Variants in IGSF22 observed in about 807,000 individuals in gnomAD.
IGSF22 encodes immunoglobulin superfamily member 22.
IGSF22 carries 119 observed loss-of-function variants against 127.0 expected under a neutral mutation model. That is an observed-to-expected ratio of 0.94 (90% CI 0.81 to 1.09). The LOEUF (loss-of-function observed/expected upper bound fraction) is 1.09. Among genes scored for constraint, IGSF22 ranks in the 50% least tolerant of loss-of-function variants. IGSF22 has a pLI of 0.00. For synonymous variants in IGSF22, 568 were observed against 664.7 expected (o/e 0.85, Z 2.24); for missense variants, 1,518 against 1,716.6 (o/e 0.88, Z 2.04).
rs550956419 is a variant in IGSF22 at position 18,720,303 on chromosome 11, C to T, written c.379-18G>A. ...GGCTCCAGCTGGATCAAAGTCCGGC[C>T]ATTAGTGGGGGAAGGAAAAGGAACC... On this transcript the variant is annotated intron_variant, in intron 4 of 22. Transcript: ENST00000513874. 1 of 1,605,646 alleles carries T rather than the reference C, an allele frequency of 6.2e-7. No individual in the cohort carries two copies. The highest frequency in any genetic ancestry group is 8.5e-7 in the Non-Finnish European group (1 of 1,172,734).
intron 22 of IGSF22, among the ~76,000 whole-genome samples, chr11:18,705,005 A>G (rs1241578184): frequency 1.3e-5 from 2 of 152,344 alleles, no homozygotes; most frequent in African/African-American, 4.8e-5. Context: ...CACTTAGCTA[A>G]GCACTCGAGA....
In IGSF22 at chr11:18,710,832, T is replaced by TG. The variant is rs1564869838; in HGVS notation, c.2399-5dup. ...TGGGAGGCAAAACCAGGAGGCTCTGTGGGGGAAAGAGAGAGTGCAAAGGTT... is the reference window on the plus strand; with the variant it reads ...TGGGAGGCAAAACCAGGAGGCTCTGTGGGGGGAAAGAGAGAGTGCAAAGGTT... On this transcript the variant is annotated splice_polypyrimidine_tract_variant and splice_region_variant and intron_variant, in intron 15 of 22. Transcript: ENST00000513874. 8.1e-6 allele frequency: 13 copies of TG among 1,611,416 alleles called. No individual in the cohort carries two copies. The highest frequency in any genetic ancestry group is 1.1e-5 in the Non-Finnish European group (13 of 1,177,684).
chr11:18,710,078 C>A (rs2134159813), intron 17 of IGSF22, among the ~76,000 whole-genome samples: 1 of 152,250 alleles, frequency 6.6e-6, no homozygotes, highest in African/African-American at 2.4e-5. Context: ...CCTCTCCTAC[C>A]TCACCTAACT....
rs1365995197 is a variant in IGSF22, at chr11:18,716,993, T to A, written c.981A>T (p.Pro327=). The A allele has an allele frequency of 6.2e-7, 1 of 1,614,118 alleles. No homozygotes were observed. The highest frequency in any genetic ancestry group is 1.3e-5 in the African/African-American group (1 of 75,038). The stretch of plus-strand genomic sequence containing the variant: ...GCTTCATCTCTCCCAGGAACTTCAG[T>A]GGCTCATCTGCAGCAAACAGTAGGA... ...MSAELTVLDE[P]LKFLGEMKPV... is the part of the protein sequence containing the mutation. The change falls in exon 10 of 23, where the codon CCA becomes CCT. Residue 327 remains proline (P), a synonymous_variant. Transcript: ENST00000513874. This position sits in a 1 kb window ranked among gnomAD's most constrained non-coding sequence, Gnocchi z 4.5.
chr11:18,704,397 G>T lies in IGSF22; in HGVS notation c.*71C>A. On this transcript the variant is annotated 3_prime_UTR_variant, in exon 23 of 23. Transcript: ENST00000513874. ...GAGAGCAAACTGGGCTTCCTACACT[G>T]GGCCATGCAGAGGACAGGCCAAGAA... 1.0e-6 allele frequency: 1 copy of T among 987,792 alleles called. No individual in the cohort carries two copies. The highest frequency in any genetic ancestry group is 1.6e-6 in the Non-Finnish European group (1 of 634,526). 61.2% of individuals were successfully genotyped at this position (987,792 alleles called of 1,614,324 possible).
At position 18,705,976 on chromosome 11, in the gene IGSF22, C is replaced by T; in HGVS notation, c.3751G>A (p.Val1251Ile). 6.4e-7 allele frequency: 1 copy of T among 1,551,750 alleles called. No individual in the cohort carries two copies. The highest frequency in any genetic ancestry group is 2.0e-5 in the Admixed American group (1 of 51,016). ...RPTVTLYKGD[V>I]NITANSKFWY... ...AACTTGGAGTTGGCCGTGATGTTGA[C>T]GTCGCCCTTGTAGAGGGTCACTGTG... The change falls in exon 22 of 23, where the codon GTC (valine) becomes ATC (isoleucine). Residue 1251 changes from valine (V) to isoleucine (I), a missense_variant. This residue lies in a region of IGSF22 where 1,456 missense variants were observed against 1,644.9 expected (regional missense o/e 0.89). Transcript: ENST00000513874.
chr11:18,719,703 G>A lies in IGSF22; in HGVS notation c.696+13C>T, dbSNP rs763763274. 2.5e-6 allele frequency: 4 copies of A among 1,613,296 alleles called. No individual in the cohort carries two copies. The highest frequency in any genetic ancestry group is 1.7e-4 in the Middle Eastern group (1 of 6,058). On this transcript the variant is annotated intron_variant, in intron 7 of 22. Transcript: ENST00000513874. ...CCTAGCCTGCAGGCCCCTGCTCCCT[G>A]CAGGGTACTTACCTCCACCTCTACT... is the stretch of plus-strand genomic sequence containing the variant.
chr11:18,710,437 T>A lies in IGSF22; in HGVS notation c.2591A>T (p.Asp864Val), dbSNP rs760080099. Residue 864 changes from aspartate (D) to valine (V), a missense_variant, in exon 17 of 23, where the codon GAT becomes GTT. By Grantham distance (152) the Asp-to-Val change is radical. Transcript: ENST00000513874. ...DPIQGTKCTV[D>V]GLLEDTEYEF... ...ATATTCTGTGTCCTCCAGGAGACCA[T>A]CCACAGTGCACTTGGTGCCTGAAAT... The A allele has an allele frequency of 3.7e-6, 6 of 1,614,148 alleles. No individual in the cohort carries two copies. In the African/African-American group the frequency reaches 5.3e-5, roughly 14 times the overall value.
chr11:18,704,411 A>G lies in IGSF22; in HGVS notation c.*57T>C. On this transcript the variant is annotated 3_prime_UTR_variant, in exon 23 of 23. Coordinates refer to ENST00000513874, the MANE Select transcript of IGSF22 (RefSeq NM_173588.4). ...CTTCCTACACTGGGCCATGCAGAGG[A>G]CAGGCCAAGAAACTCCACATCATAA... 1 of 1,178,738 alleles carries G rather than the reference A, an allele frequency of 8.5e-7. No individual in the cohort carries two copies. Among genetic ancestry groups the G allele is most frequent in the Non-Finnish European group, 1.2e-6 (1 of 807,338 alleles). The allele number at this position is 1,178,738 out of a possible 1,614,324, so 73.0% of individuals were successfully genotyped here.
intron 10 of IGSF22, 124 bp from the exon 11 acceptor site, chr11:18,715,840 GTGTT>G: frequency 9.4e-7 from 1 of 1,067,630 alleles, no homozygotes; most frequent in Non-Finnish European, 1.4e-6. Flanking sequence ...GATGCTGAAT[GTGTT>G]TGTGTGTAAT....
intron 8 of IGSF22, among the ~76,000 whole-genome samples, 176 bp downstream of exon 8, chr11:18,718,439 C>T (rs1443407137): frequency 6.6e-6 from 1 of 152,206 alleles, no homozygotes; most frequent in Non-Finnish European, 1.5e-5. Flanking sequence ...TCTCTTACAT[C>T]ACACAACAAA....
chr11:18,725,329 T>G (rs925722120), intron 1 of IGSF22, among the ~76,000 whole-genome samples: 1 of 152,220 alleles, frequency 6.6e-6, no homozygotes, highest in Non-Finnish European at 1.5e-5. Flanking sequence ...GGTTTCATCT[T>G]GTTGGCCAGG....
intron 13 of IGSF22, 29 bp downstream of exon 13, chr11:18,714,248 A>G: frequency 6.2e-7 from 1 of 1,602,126 alleles, no homozygotes; most frequent in Non-Finnish European, 8.5e-7. Flanking sequence ...GGCATGGTTG[A>G]GCTTTGCCTA....
At position 18,719,968 on chromosome 11, in the gene IGSF22, G is replaced by C; in HGVS notation, c.519-75C>G. The C allele has an allele frequency of 1.9e-6, 3 of 1,608,778 alleles. No individual in the cohort carries two copies. In the South Asian group the frequency reaches 3.3e-5, roughly 18 times the overall value. On this transcript the variant is annotated intron_variant, in intron 6 of 22. Transcript: ENST00000513874. ...TTGAGAAACCCCTCCCTACTCCATG[G>C]ATTCTTGGAACTCAGGGCCTTGTTG...
chr11:18,706,177 GGC>G (rs1296166059), intron 21 of IGSF22, 31 bp from the exon 22 acceptor site: 2 of 1,510,254 alleles, frequency 1.3e-6, no homozygotes, highest in Non-Finnish European at 1.8e-6. Context: ...AGGCCGTGAG[GGC>G]GCCCCAAGGC....
intron 11 of IGSF22, 90 bp downstream of exon 11, chr11:18,715,342 G>A: frequency 7.3e-7 from 1 of 1,367,038 alleles, no homozygotes; most frequent in Non-Finnish European, 1.0e-6. Context: ...GAGGGTTGGA[G>A]TTAGTGGGAG....
intron 14 of IGSF22, 133 bp from the exon 15 acceptor site, chr11:18,712,517 T>G (rs939711634): frequency 2.7e-6 from 2 of 746,568 alleles, no homozygotes; most frequent in Admixed American, 5.9e-5. Context: ...TGCCCCTCCC[T>G]GTGTCCACCA....
At chr11:18,706,726 T>C (rs539135670) in intron 21 of IGSF22, 188 bp downstream of exon 21, 41 of 542,296 alleles carry the variant, frequency 7.6e-5, no homozygotes, top group African/African-American at 6.8e-4. Context: ...ACCTCCACTT[T>C]AGTCTCACCC....
chr11:18,711,157 A>G (rs1015150036), intron 15 of IGSF22, among the ~76,000 whole-genome samples: 1 of 152,058 alleles, frequency 6.6e-6, no homozygotes, highest in Admixed American at 6.5e-5. Flanking sequence ...AAAAAAAACC[A>G]CTGACAACAA....
Sources: gnomAD v4.1 joint callset for allele counts (sites outside exome capture counted in the v4.1 genomes callset) on GRCh38, gnomAD v4.1.1 for gene constraint, gnomAD v4.1.1 regional missense constraint, Gnocchi (gnomAD v3.1) non-coding constraint, MANE v1.5 for transcripts, NCBI Gene and HGNC (gene_info 2026-07-23, HGNC 2026-07-21) for gene names.